MRPL50: variants seen among roughly 807,000 people sequenced by gnomAD.
MRPL50 encodes large ribosomal subunit protein mL50.
Under a neutral mutation model 16.2 loss-of-function variants are expected in MRPL50, and 10 were observed. The observed-to-expected ratio is 0.62, with a 90% confidence interval of 0.38 to 1.05. The LOEUF is 1.05. Among genes scored for constraint, MRPL50 ranks in the 50% least tolerant of loss-of-function variants. The pLI is 0.01. For missense variants in MRPL50, 213 were observed against 187.1 expected (o/e 1.14, Z -0.81); for synonymous variants, 68 against 66.8 (o/e 1.02, Z -0.09).
chr9:101,398,321 G>A (rs1457394514), intron 1 of MRPL50, among the ~76,000 whole-genome samples, 180 bp downstream of exon 1: 1 of 152,120 alleles, frequency 6.6e-6, no homozygotes, highest in African/African-American at 2.4e-5. Context: ...GGCCGAGAGT[G>A]GAAGAGACTG....
At position 101,389,271 on chromosome 9, in the gene MRPL50, C is replaced by G; in HGVS notation, c.*1195G>C. On this transcript the variant is annotated 3_prime_UTR_variant, in exon 2 of 2. Coordinates refer to ENST00000374865, the MANE Select transcript of MRPL50 (RefSeq NM_019051.3). ...TAAAAGGGGCTTGGGCATCTGTGGACTTTGGTATCCAAGTAGGTGTCCTGG... is the reference window on the plus strand; with the variant it reads ...TAAAAGGGGCTTGGGCATCTGTGGAGTTTGGTATCCAAGTAGGTGTCCTGG... The G allele has an allele frequency of 3.8e-6, 1 of 262,560 alleles. No homozygotes were observed. Among genetic ancestry groups the G allele is most frequent in the Non-Finnish European group, 7.5e-6 (1 of 132,854 alleles). The allele number at this position is 262,560 out of a possible 1,614,324, so 16.3% of individuals were successfully genotyped here. A position where few individuals can be genotyped will look rare whatever the true frequency, so the allele number is the denominator to read the frequency against.
intron 1 of MRPL50, among the ~76,000 whole-genome samples, chr9:101,397,830 G>C (rs770530168): frequency 3.9e-5 from 6 of 152,168 alleles, no homozygotes; most frequent in Non-Finnish European, 7.4e-5. Flanking sequence ...AGTCAAATTA[G>C]ATTTACCTTC....
In MRPL50 at chr9:101,388,354, A is replaced by C. The variant is rs1830227437; in HGVS notation, c.*2112T>G. 1 of 151,876 alleles carries C rather than the reference A, an allele frequency of 6.6e-6. No homozygotes were observed. Among genetic ancestry groups the C allele is most frequent in the South Asian group, 2.1e-4 (1 of 4,820 alleles). The allele number at this position is 151,876 out of a possible 1,614,324, so 9.4% of individuals were successfully genotyped here. Reference sequence around the variant, plus strand: ...CAGTTGTAACTGTTTTTCCACATAGACCTTCTCATCCCTTATTTCCATCTT... The same window carrying C: ...CAGTTGTAACTGTTTTTCCACATAGCCCTTCTCATCCCTTATTTCCATCTT... On this transcript the variant is annotated 3_prime_UTR_variant, in exon 2 of 2. Transcript: ENST00000374865.
At chr9:101,396,596 G>A (rs1830343120) in intron 1 of MRPL50, among the ~76,000 whole-genome samples, 1 of 152,154 alleles carries the variant, frequency 6.6e-6, no homozygotes, top group Non-Finnish European at 1.5e-5. Flanking sequence ...TATGCTAAGA[G>A]AAATAAGCCA....
Position 101,390,283 on chromosome 9 carries a change from A to C in MRPL50, c.*183T>G, listed in dbSNP as rs1830251959. 1 of 1,293,656 alleles carries C rather than the reference A, an allele frequency of 7.7e-7. No homozygotes were observed. The highest frequency in any genetic ancestry group is 1.5e-5 in the African/African-American group (1 of 65,156). 80.1% of individuals were successfully genotyped at this position (1,293,656 alleles called of 1,614,324 possible). On this transcript the variant is annotated 3_prime_UTR_variant, in exon 2 of 2. Transcript: ENST00000374865. ...TGGTTTCAGCAAATATGAAAATAGA[A>C]AGTCCGTTATTTGTCCATTTGTAAT...
intron 1 of MRPL50, among the ~76,000 whole-genome samples, chr9:101,393,315 A>T (rs1275440768): frequency 1.3e-5 from 2 of 152,178 alleles, no homozygotes; most frequent in Non-Finnish European, 2.9e-5. Context: ...CTTGAACAAG[A>T]CAAGGATGCT....
In MRPL50 at chr9:101,390,642, G is replaced by T. The variant is rs755290863; in HGVS notation, c.301C>A (p.Leu101Met). 4 of 1,607,342 alleles carry T rather than the reference G, an allele frequency of 2.5e-6. No homozygotes were observed. Among genetic ancestry groups the T allele is most frequent in the African/African-American group, 1.3e-5 (1 of 74,604 alleles). Residue 101 changes from leucine (L) to methionine (M), a missense_variant, in exon 2 of 2, where the codon CTG becomes ATG. Transcript: ENST00000374865. ...CCCAAGTCATCAGCTAAATGAGCCA[G>T]AAGATTGAACTTTAGACGACTATCT... ...LEDSRLKFNL[L>M]AHLADDLGHV...
chr9:101,396,638 T>C lies in MRPL50; in HGVS notation c.92+1863A>G, dbSNP rs941818906. ...GTAATACCACATGATCTCACTTATATGTAGTATCTAAAAAGTCAAATTAGG... is the reference window on the plus strand; with the variant it reads ...GTAATACCACATGATCTCACTTATACGTAGTATCTAAAAAGTCAAATTAGG... On this transcript the variant is annotated intron_variant, in intron 1 of 1. Coordinates refer to ENST00000374865, the MANE Select transcript of MRPL50 (RefSeq NM_019051.3). Among the ~76,000 whole-genome samples the C allele has an allele frequency of 3.9e-5, 6 of 152,124 alleles. No individual in the cohort carries two copies. The East Asian group carries it at 1.2e-3, about 29-fold the overall frequency.
chr9:101,397,007 C>A (rs778277575), intron 1 of MRPL50, among the ~76,000 whole-genome samples: 25 of 151,792 alleles, frequency 1.6e-4, no homozygotes, highest in Non-Finnish European at 2.9e-4. Flanking sequence ...CCAGGGGTGG[C>A]GGAAATGAAG....
intron 1 of MRPL50, 35 bp from the exon 2 acceptor site, chr9:101,390,885 A>G (rs1341639658): frequency 1.3e-6 from 2 of 1,545,350 alleles, no homozygotes; most frequent in Admixed American, 2.1e-5. Flanking sequence ...CAAATCCATT[A>G]ATGAAGTTGA....
Position 101,388,220 on chromosome 9 carries a change from T to A in MRPL50, c.*2246A>T, listed in dbSNP as rs1830225845. ...AAAAAATGAATAAAAGATCCCCAAA[T>A]GATTAACATGCGCATTAAATTTTGA... On this transcript the variant is annotated 3_prime_UTR_variant, in exon 2 of 2. Coordinates refer to ENST00000374865, the MANE Select transcript of MRPL50 (RefSeq NM_019051.3). 6.6e-6 allele frequency: 1 copy of A among 152,102 alleles called. No individual in the cohort carries two copies. Among genetic ancestry groups the A allele is most frequent in the Admixed American group, 6.6e-5 (1 of 15,258 alleles). The allele number at this position is 152,102 out of a possible 1,614,324, so 9.4% of individuals were successfully genotyped here.
intron 1 of MRPL50, among the ~76,000 whole-genome samples, chr9:101,397,093 G>A (rs530123430): frequency 1.3e-5 from 2 of 152,156 alleles, no homozygotes; most frequent in African/African-American, 4.8e-5. Flanking sequence ...CCATGGTGAC[G>A]ATCATTAATA....
Position 101,389,346 on chromosome 9 carries a change from G to T in MRPL50, c.*1120C>A. 2.9e-6 allele frequency: 2 copies of T among 693,930 alleles called. No individual in the cohort carries two copies. The highest frequency in any genetic ancestry group is 4.2e-6 in the Non-Finnish European group (2 of 476,476). The allele number at this position is 693,930 out of a possible 1,614,324, so 43.0% of individuals were successfully genotyped here. The stretch of plus-strand genomic sequence containing the variant: ...TAATGTCTAAGCTCCAGAGCTCCAG[G>T]CACTCTGACACCTGAAGTTCTTGAA... On this transcript the variant is annotated 3_prime_UTR_variant, in exon 2 of 2. Transcript: ENST00000374865.
At chr9:101,394,064 T>A (rs1564062979) in intron 1 of MRPL50, among the ~76,000 whole-genome samples, 1 of 151,616 alleles carries the variant, frequency 6.6e-6, no homozygotes, top group African/African-American at 2.4e-5. Context: ...CTGTCCTTGT[T>A]CATTCCTGGG....
At chr9:101,396,127 G>C (rs1830336791) in intron 1 of MRPL50, among the ~76,000 whole-genome samples, 1 of 152,022 alleles carries the variant, frequency 6.6e-6, no homozygotes, top group Non-Finnish European at 1.5e-5. Flanking sequence ...ATACCCATTA[G>C]GATGGTCATT....
rs1830230543 is a variant in MRPL50, at chr9:101,388,619, A to G, written c.*1847T>C. The stretch of plus-strand genomic sequence containing the variant: ...AGGAAAACTAAAGGCCATTATTCTG[A>G]TATAGTCACTGTATTGAGCTATAAA... On this transcript the variant is annotated 3_prime_UTR_variant, in exon 2 of 2. Coordinates refer to ENST00000374865, the MANE Select transcript of MRPL50 (RefSeq NM_019051.3). 1 of 149,924 alleles carries G rather than the reference A, an allele frequency of 6.7e-6. No homozygotes were observed. The highest frequency in any genetic ancestry group is 6.7e-5 in the Admixed American group (1 of 14,948). The allele number at this position is 149,924 out of a possible 1,614,324, so 9.3% of individuals were successfully genotyped here. A position where few individuals can be genotyped will look rare whatever the true frequency, so the allele number is the denominator to read the frequency against.
At position 101,389,670 on chromosome 9, in the gene MRPL50, C is replaced by G; in HGVS notation, c.*796G>C. ...TTTGTCATTCAGAACCATCTGATAA[C>G]CTGCTATTTAAGTAATTTCCACAAA... On this transcript the variant is annotated 3_prime_UTR_variant, in exon 2 of 2. Coordinates refer to ENST00000374865, the MANE Select transcript of MRPL50 (RefSeq NM_019051.3). 1 of 304,938 alleles carries G rather than the reference C, an allele frequency of 3.3e-6. No individual in the cohort carries two copies. 18.9% of individuals were successfully genotyped at this position (304,938 alleles called of 1,614,324 possible). A position where few individuals can be genotyped will look rare whatever the true frequency, so the allele number is the denominator to read the frequency against.
intron 1 of MRPL50, among the ~76,000 whole-genome samples, chr9:101,392,106 G>A (rs764488293): frequency 8.6e-5 from 13 of 151,878 alleles, no homozygotes; most frequent in Non-Finnish European, 1.8e-4. Context: ...ATTTTAAAAC[G>A]TCTTGAAGCA....
At chr9:101,395,090 A>G (rs950980689) in intron 1 of MRPL50, among the ~76,000 whole-genome samples, 6 of 152,212 alleles carry the variant, frequency 3.9e-5, no homozygotes, top group Non-Finnish European at 8.8e-5. Context: ...CAACAACAAA[A>G]AAAACCTGAT....
Sources: gnomAD v4.1 joint callset for allele counts (sites outside exome capture counted in the v4.1 genomes callset) on GRCh38, gnomAD v4.1.1 for gene constraint, MANE v1.5 for transcripts, NCBI Gene and HGNC (gene_info 2026-07-23, HGNC 2026-07-21) for gene names.